AGAP6: variants seen among roughly 807,000 people sequenced by gnomAD.
AGAP6 encodes the protein ArfGAP with GTPase domain, ankyrin repeat and PH domain 6.
AGAP6 carries 29 observed loss-of-function variants against 63.9 expected under a neutral mutation model. That is an observed-to-expected ratio of 0.45 (90% CI 0.34 to 0.62). AGAP6 has a LOEUF of 0.62. Among genes scored for constraint, AGAP6 ranks in the 20% least tolerant of loss-of-function variants. The probability of loss-of-function intolerance (pLI) is 0.01; values close to 1 mark genes in which losing one functional copy is unlikely to be tolerated. For missense variants in AGAP6, 493 were observed against 884.9 expected, an observed-to-expected ratio of 0.56 and a Z score of 5.62; for synonymous variants, 199 against 332.9, an observed-to-expected ratio of 0.60 and a Z score of 4.38.
Position 50,009,693 on chromosome 10 carries a change from A to T in AGAP6, c.1568A>T (p.Asp523Val), listed in dbSNP as rs1554865278. ...LSRVRSLELD[D>V]WPVELRKVMS... is the part of the protein sequence containing the mutation. ...CGTGTGCGATCTCTGGAGCTGGATG[A>T]CTGGCCAGTTGAGCTCAGGAAGGTT... Residue 523 changes from aspartate (D) to valine (V), a missense_variant, in exon 8 of 8, where the codon GAC becomes GTC. Physicochemically the swap from Asp to Val is radical, Grantham distance 152. Transcript: ENST00000412531. 6.2e-7 allele frequency: 1 copy of T among 1,614,080 alleles called. No homozygotes were observed. The highest frequency in any genetic ancestry group is 8.5e-7 in the Non-Finnish European group (1 of 1,179,950).
chr10:50,008,966 G>A lies in AGAP6; in HGVS notation c.841G>A (p.Ala281Thr), dbSNP rs782600597. Residue 281 changes from alanine to threonine, a missense_variant, in exon 8 of 8, where the codon GCC becomes ACC. Coordinates refer to ENST00000412531, the MANE Select transcript of AGAP6 (RefSeq NM_001077665.3). ...NHADTIGSGR[A>T]IPIKQGMLLK... ...TGCTGACACCATCGGGAGCGGTAGA[G>A]CCATCCCCATTAAACAGGGCATGCT... 1 of 1,613,994 alleles carries A rather than the reference G, an allele frequency of 6.2e-7. No homozygotes were observed. The highest frequency in any genetic ancestry group is 8.5e-7 in the Non-Finnish European group (1 of 1,179,902).
chr10:49,988,895 G>A lies in AGAP6; in HGVS notation c.180G>A (p.Glu60=), dbSNP rs1554860158. Residue 60 remains glutamate, a synonymous_variant, in exon 1 of 8, where the codon GAG becomes GAA. Transcript: ENST00000412531. Reference sequence around the variant, plus strand: ...CTGAGGTGACTGTTGAAGTTGGTGAGGACCTCCACATGCACCACGTTCGTG... The same window carrying A: ...CTGAGGTGACTGTTGAAGTTGGTGAAGACCTCCACATGCACCACGTTCGTG... ...QPAEVTVEVG[E]DLHMHHVRDR... 2.5e-6 allele frequency: 4 copies of A among 1,599,502 alleles called. No individual in the cohort carries two copies. The highest frequency in any genetic ancestry group is 3.4e-6 in the Non-Finnish European group (4 of 1,179,126).
intron 5 of AGAP6, among the ~76,000 whole-genome samples, chr10:50,002,715 GTCTTTA>G (rs1405676217): frequency 6.3e-5 from 2 of 31,510 alleles, no homozygotes; most frequent in Non-Finnish European, 1.3e-4. Flanking sequence ...GAATATTAAT[GTCTTTA>G]TCTTTAATTT....
intron 4 of AGAP6, among the ~76,000 whole-genome samples, chr10:49,995,354 T>C (rs1183974815): frequency 6.6e-6 from 1 of 152,220 alleles, no homozygotes; most frequent in Non-Finnish European, 1.5e-5. Context: ...CAAATATTGT[T>C]AAGTAGCCTC....
chr10:50,004,893 CTG>C (rs1293948859), intron 6 of AGAP6, among the ~76,000 whole-genome samples, 173 bp downstream of exon 6: 2 of 152,168 alleles, frequency 1.3e-5, no homozygotes, highest in Non-Finnish European at 2.9e-5. Flanking sequence ...TCTTAAATGA[CTG>C]AGAATCTCAA....
chr10:50,005,601 A>T (rs1399246046), intron 6 of AGAP6, among the ~76,000 whole-genome samples: 5 of 151,916 alleles, frequency 3.3e-5, no homozygotes, highest in Non-Finnish European at 7.4e-5. Flanking sequence ...ACAGAGCAAG[A>T]CTCTGTCTAA....
At chr10:49,993,776 C>G (rs187577968) in intron 3 of AGAP6, among the ~76,000 whole-genome samples, 10,821 of 150,486 alleles carry the variant, frequency 0.072, 553 homozygotes, top group African/African-American at 0.13. Context: ...GCTGAGATCC[C>G]GCCACTGCAC....
chr10:50,009,807 A>G lies in AGAP6; in HGVS notation c.1682A>G (p.Glu561Gly), dbSNP rs1554865379. ...AAACCCTCAGAAAAGTCCACGAGGGAAGAGAAGGAACGGTGGATCCGTTCC... is the reference window on the plus strand; with the variant it reads ...AAACCCTCAGAAAAGTCCACGAGGGGAGAGAAGGAACGGTGGATCCGTTCC... Reference protein sequence around the residue: ...QTKPSEKSTREEKERWIRSKY... With the variant: ...QTKPSEKSTRGEKERWIRSKY... The change falls in exon 8 of 8, where the codon GAA becomes GGA. Residue 561 changes from glutamate (E) to glycine (G), a missense_variant. Around this residue, in one of 7 missense-constraint regions of AGAP6, gnomAD observed 87 missense variants for 92.9 expected, o/e 0.94. Coordinates refer to ENST00000412531, the MANE Select transcript of AGAP6 (RefSeq NM_001077665.3). The G allele has an allele frequency of 6.2e-7, 1 of 1,613,352 alleles. No homozygotes were observed. The highest frequency in any genetic ancestry group is 2.2e-5 in the East Asian group (1 of 44,876).
chr10:50,009,775 G>T lies in AGAP6; in HGVS notation c.1650G>T (p.Gly550=). The T allele has an allele frequency of 6.2e-7, 1 of 1,613,944 alleles. No individual in the cohort carries two copies. The change falls in exon 8 of 8, where the codon GGG becomes GGT. Residue 550 remains glycine (G), a synonymous_variant. Transcript: ENST00000412531. The part of the protein sequence containing the change: ...ANSIWEGSSQ[G]QTKPSEKSTR... ...GCATCTGGGAAGGGAGCAGCCAGGGGCAGACAAAACCCTCAGAAAAGTCCA... is the reference window on the plus strand; with the variant it reads ...GCATCTGGGAAGGGAGCAGCCAGGGTCAGACAAAACCCTCAGAAAAGTCCA...
chr10:50,001,916 T>G (rs1841727626), intron 4 of AGAP6, 80 bp from the exon 5 acceptor site: 2 of 1,440,934 alleles, frequency 1.4e-6, no homozygotes, highest in African/African-American at 2.8e-5. Flanking sequence ...AGACATATCT[T>G]AGTGCTTTGT....
At chr10:49,997,830 A>T (rs1841550430) in intron 4 of AGAP6, among the ~76,000 whole-genome samples, 1 of 145,364 alleles carries the variant, frequency 6.9e-6, no homozygotes, top group African/African-American at 2.6e-5. Flanking sequence ...TATCATTCTT[A>T]TGGCTTTGCA....
At chr10:49,996,280 A>C (rs1407667779) in intron 4 of AGAP6, among the ~76,000 whole-genome samples, 2 of 151,770 alleles carry the variant, frequency 1.3e-5, no homozygotes, top group Non-Finnish European at 2.9e-5. Context: ...GACTGGTCCT[A>C]TCAATTCCTT....
chr10:49,993,733 T>C (rs1410676125), intron 3 of AGAP6, among the ~76,000 whole-genome samples: 1 of 151,006 alleles, frequency 6.6e-6, no homozygotes, highest in Admixed American at 6.7e-5. Flanking sequence ...GGCTGAAGAA[T>C]TGGTTGAACC....
At chr10:50,006,201 G>A (rs1461234356) in intron 6 of AGAP6, among the ~76,000 whole-genome samples, 10 of 152,124 alleles carry the variant, frequency 6.6e-5, no homozygotes, top group Non-Finnish European at 1.3e-4. Context: ...ATTGGTTTAT[G>A]TTTTATTGTG....
At chr10:49,989,804 G>A (rs1291040387) in intron 2 of AGAP6, among the ~76,000 whole-genome samples, 1 of 152,204 alleles carries the variant, frequency 6.6e-6, no homozygotes, top group Admixed American at 6.5e-5. Flanking sequence ...CACAGCCGGG[G>A]CTGCAGAAAA....
At chr10:50,004,960 T>C (rs1457767628) in intron 6 of AGAP6, among the ~76,000 whole-genome samples, 5 of 152,244 alleles carry the variant, frequency 3.3e-5, no homozygotes, top group Non-Finnish European at 7.3e-5. Context: ...AATTATACAG[T>C]TGAAATTTTT....
rs1201607885 is a variant in AGAP6 at position 50,008,041 on chromosome 10, T to C, written c.550T>C (p.Leu184=). ...ATTTTATAGAGATGCAGATAGAACT[T>C]TGAGCATACCTGATGAACAGTTACA... ...HITQRDADRT[L]SIPDEQLHSF... Residue 184 remains leucine (L), a synonymous_variant, in exon 7 of 8, where the codon TTG becomes CTG. Transcript: ENST00000412531. 6.2e-7 allele frequency: 1 copy of C among 1,611,856 alleles called. No individual in the cohort carries two copies. The highest frequency in any genetic ancestry group is 2.2e-5 in the East Asian group (1 of 44,876).
intron 1 of AGAP6, 21 bp downstream of exon 1, chr10:49,988,959 A>C (rs546268783): frequency 6.2e-7 from 1 of 1,601,186 alleles, no homozygotes; most frequent in Non-Finnish European, 8.5e-7. Flanking sequence ...GATAGGTGCC[A>C]TCTACCCTCG....
rs1190064122 is a variant in AGAP6, at chr10:49,991,123, A to G, written c.293-553A>G. On this transcript the variant is annotated intron_variant, in intron 2 of 7. Coordinates refer to ENST00000412531, the MANE Select transcript of AGAP6 (RefSeq NM_001077665.3). ...AGGCCTGTGTATGTTCTCCCTATGT[A>G]TTGTTAATGAAGAAATGAAAACTTA... Among the ~76,000 whole-genome samples the G allele has an allele frequency of 3.5e-3, 533 of 152,132 alleles. 6 individuals are homozygous for G. The highest frequency in any genetic ancestry group is 0.012 in the African/African-American group (512 of 41,412).
Sources: gnomAD v4.1 joint callset for allele counts (sites outside exome capture counted in the v4.1 genomes callset) on GRCh38, gnomAD v4.1.1 for gene constraint, gnomAD v4.1.1 regional missense constraint, MANE v1.5 for transcripts, NCBI Gene and HGNC (gene_info 2026-07-23, HGNC 2026-07-21) for gene names.